The following RIN2 variants were observed in gnomAD, a reference collection of about 807,000 sequenced individuals.
The protein encoded by RIN2 is RAB5 interacting protein 2.
Under a neutral mutation model 78.0 loss-of-function variants are expected in RIN2, and 36 were observed. The ratio of observed to expected loss-of-function variants is 0.46; its 90% confidence interval spans 0.35 to 0.61. RIN2 has a LOEUF of 0.61. RIN2 is among the 20% of genes least tolerant of loss of function. RIN2 has a pLI of 0.00. For synonymous variants in RIN2, 466 were observed against 466.8 expected, an observed-to-expected ratio of 1.00 and a Z score of 0.02; for missense variants, 1,087 against 1,159.7, an observed-to-expected ratio of 0.94 and a Z score of 0.91.
intron 2 of RIN2, among the ~76,000 whole-genome samples, chr20:19,845,848 T>G (rs2036764739): frequency 6.6e-6 from 1 of 152,212 alleles, no homozygotes; most frequent in Non-Finnish European, 1.5e-5. Flanking sequence ...TTCTAATGTT[T>G]TCATGGTTTT....
At chr20:19,806,621 G>A (rs2035416267) in intron 2 of RIN2, among the ~76,000 whole-genome samples, 1 of 152,196 alleles carries the variant, frequency 6.6e-6, no homozygotes, top group Non-Finnish European at 1.5e-5. Flanking sequence ...ACTGAGCTGG[G>A]TGTGATGGCT....
chr20:19,968,173 G>A (rs1222240593), intron 7 of RIN2, among the ~76,000 whole-genome samples: 1 of 152,172 alleles, frequency 6.6e-6, no homozygotes, highest in Non-Finnish European at 1.5e-5. Context: ...CACAGAATGG[G>A]GGCATCACGG....
intron 2 of RIN2, among the ~76,000 whole-genome samples, chr20:19,870,654 A>G (rs754470336): frequency 3.3e-5 from 5 of 152,220 alleles, no homozygotes; most frequent in South Asian, 2.1e-4. Flanking sequence ...CAAAAAAAAG[A>G]AAGAAAGAAA....
chr20:19,881,306 G>A (rs988300325), intron 2 of RIN2, among the ~76,000 whole-genome samples: 4 of 152,150 alleles, frequency 2.6e-5, no homozygotes, highest in Admixed American at 1.3e-4. Context: ...AAAACCCGGG[G>A]CTTTTATTTC....
At chr20:19,855,109 A>G (rs1404479922) in intron 2 of RIN2, among the ~76,000 whole-genome samples, 2 of 152,154 alleles carry the variant, frequency 1.3e-5, no homozygotes, top group African/African-American at 4.8e-5. Context: ...GAATTTCGTC[A>G]AAGGCCTTTT....
chr20:19,904,402 C>T (rs762240708), intron 3 of RIN2, among the ~76,000 whole-genome samples: 6 of 151,942 alleles, frequency 3.9e-5, no homozygotes, highest in Admixed American at 1.3e-4. Context: ...ACCGGGTATG[C>T]GGTGCTGGGG....
intron 6 of RIN2, 63 bp from the exon 7 acceptor site, chr20:19,964,889 G>T: frequency 7.3e-7 from 1 of 1,375,942 alleles, no homozygotes; most frequent in South Asian, 1.2e-5. Context: ...TGGTGTTAGG[G>T]GCTCTTCCTG....
intron 2 of RIN2, among the ~76,000 whole-genome samples, chr20:19,805,409 AT>A (rs2035376341): frequency 6.6e-6 from 1 of 151,778 alleles, no homozygotes; most frequent in African/African-American, 2.4e-5. Flanking sequence ...TAGGGACCTT[AT>A]TTTTTTTCTG....
chr20:19,877,046 T>C (rs2037880388), intron 2 of RIN2, among the ~76,000 whole-genome samples: 1 of 152,172 alleles, frequency 6.6e-6, no homozygotes, highest in Non-Finnish European at 1.5e-5. Context: ...CAGTTTGCTT[T>C]ACTGATTTCA....
chr20:19,948,343 C>A (rs11697699), intron 4 of RIN2, among the ~76,000 whole-genome samples: 7 of 152,132 alleles, frequency 4.6e-5, no homozygotes, highest in South Asian at 2.1e-4. Flanking sequence ...CCAATCCCAT[C>A]CTAGCTGAAT....
chr20:19,948,136 A>C (rs2041166963), intron 4 of RIN2, among the ~76,000 whole-genome samples: 1 of 152,230 alleles, frequency 6.6e-6, no homozygotes, highest in Non-Finnish European at 1.5e-5. Context: ...AGATGGTTCC[A>C]GCTCCAAGGC....
At position 19,940,794 on chromosome 20, in the gene RIN2, A is replaced by G. The variant is rs149063800; in HGVS notation, c.158+5595A>G. 3.8e-3 allele frequency among the ~76,000 whole-genome samples: 584 copies of G among 152,354 alleles called. 6 individuals are homozygous for G. The highest frequency in any genetic ancestry group is 0.013 in the African/African-American group (558 of 41,584). On this transcript the variant is annotated intron_variant, in intron 4 of 12. Transcript: ENST00000255006. ...TGGGTAGGCTCACCAGGCCTGAGGT[A>G]GGTTCCACCCTCATCATCACTTGAA... is the stretch of plus-strand genomic sequence containing the variant.
intron 2 of RIN2, among the ~76,000 whole-genome samples, chr20:19,835,057 GAA>G (rs768326925): frequency 6.7e-6 from 1 of 148,552 alleles, no homozygotes; most frequent in Non-Finnish European, 1.5e-5. Context: ...AAGACAGAAA[GAA>G]AGAGAAAAAG....
chr20:19,765,959 C>G (rs2033867611), intron 1 of RIN2, among the ~76,000 whole-genome samples: 1 of 152,082 alleles, frequency 6.6e-6, no homozygotes, highest in Non-Finnish European at 1.5e-5. Context: ...GTGGGATGGA[C>G]CAGGCACAGA....
intron 3 of RIN2, among the ~76,000 whole-genome samples, chr20:19,893,170 G>A (rs1367521751): frequency 6.6e-6 from 1 of 152,176 alleles, no homozygotes; most frequent in South Asian, 2.1e-4. Context: ...CAAGGAAGCG[G>A]ACTTCGATTT....
chr20:19,881,039 A>T (rs1320845229), intron 2 of RIN2, among the ~76,000 whole-genome samples: 1 of 152,228 alleles, frequency 6.6e-6, no homozygotes, highest in Non-Finnish European at 1.5e-5. Flanking sequence ...CACTGGTTTC[A>T]GTCTAGAGAT....
intron 1 of RIN2, among the ~76,000 whole-genome samples, chr20:19,764,487 GACGTGGA>G (rs2033782008): frequency 6.6e-6 from 1 of 152,212 alleles, no homozygotes; most frequent in African/African-American, 2.4e-5. Context: ...CCAGATAAGG[GACGTGGA>G]ACCTAAACGC....
chr20:19,788,441 A>AAAAAAAAACAAAAACAAAAAC (rs1486992354), intron 1 of RIN2, among the ~76,000 whole-genome samples: 2,122 of 148,936 alleles, frequency 0.014, 78 homozygotes, highest in East Asian at 0.1. Context: ...CCAAAAAAAA[A>AAAAAAAAACAAAAACAAAAAC]AAAAAAAACA....
chr20:19,862,547 C>T (rs1465269187), intron 2 of RIN2, among the ~76,000 whole-genome samples: 3 of 152,138 alleles, frequency 2.0e-5, no homozygotes, highest in Non-Finnish European at 4.4e-5. Flanking sequence ...GAGCCAATAT[C>T]GTGCCACTGC....
Sources: gnomAD v4.1 joint callset for allele counts (sites outside exome capture counted in the v4.1 genomes callset) on GRCh38, gnomAD v4.1.1 for gene constraint, MANE v1.5 for transcripts, NCBI Gene and HGNC (gene_info 2026-07-23, HGNC 2026-07-21) for gene names.